The following KIAA1671 variants were observed in gnomAD, a reference collection of about 807,000 sequenced individuals.
The protein encoded by KIAA1671 is KIAA1671.
In KIAA1671, 52 loss-of-function variants were observed where a neutral mutation model predicts 131.2. The observed-to-expected ratio is 0.40, with a 90% CI of 0.32 to 0.50. The LOEUF (loss-of-function observed/expected upper bound fraction) is 0.50. Ranked by LOEUF, KIAA1671 falls within the 20% of genes least tolerant of loss-of-function variation. The pLI is 0.73. For synonymous variants in KIAA1671, 1,003 were observed against 961.6 expected, an observed-to-expected ratio of 1.04 and a Z score of -0.80; for missense variants, 2,360 against 2,364.2, an observed-to-expected ratio of 1.00 and a Z score of 0.04.
intron 6 of KIAA1671, among the ~76,000 whole-genome samples, chr22:25,154,955 C>T (rs930228944): frequency 1.2e-4 from 19 of 152,200 alleles, no homozygotes; most frequent in African/African-American, 3.4e-4. Context: ...TTTGCCTTCC[C>T]TGATATCCCC....
rs200324888 is a variant in KIAA1671, at chr22:25,029,513, G to A, written c.1514G>A (p.Arg505Gln). ...GTCAGGAGGAGGACGTTCCAGGCTC[G>A]GCCGCTGTCGGCGGATTTGACCAAA... ...PEVRRRTFQARPLSADLTKLF... is the reference protein window; with the variant it reads ...PEVRRRTFQAQPLSADLTKLF... Residue 505 changes from arginine to glutamine, a missense_variant, in exon 3 of 13, where the codon CGG becomes CAG. This residue lies in a region of KIAA1671 where 1,185 missense variants were observed against 1,126.2 expected (regional missense o/e 1.05). Transcript: ENST00000358431. 21 of 1,546,194 alleles carry A rather than the reference G, an allele frequency of 1.4e-5. No homozygotes were observed. The highest frequency in any genetic ancestry group is 1.6e-5 in the Non-Finnish European group (18 of 1,144,278).
At chr22:25,141,748 G>A (rs1249286973) in intron 6 of KIAA1671, among the ~76,000 whole-genome samples, 1 of 152,142 alleles carries the variant, frequency 6.6e-6, no homozygotes, top group Non-Finnish European at 1.5e-5. Context: ...TATTTAAAGA[G>A]GTGATGCATC....
chr22:25,039,548 T>G lies in KIAA1671; in HGVS notation c.2418T>G (p.Pro806=). The G allele has an allele frequency of 6.4e-7, 1 of 1,551,798 alleles. No homozygotes were observed. The highest frequency in any genetic ancestry group is 8.7e-7 in the Non-Finnish European group (1 of 1,147,010). ...TGATTTGGGAAGCTCGAGGCATGCC[T>G]GAGGCTAGTGGACCGAAGTTTGGGG... ...ASLIWEARGM[P]EASGPKFGGN... is the part of the protein sequence containing the mutation. The change falls in exon 5 of 13, where the codon CCT becomes CCG. Residue 806 remains proline (P), a synonymous_variant. Transcript: ENST00000358431.
At chr22:24,986,485 AG>A (rs1447154301) in intron 1 of KIAA1671, among the ~76,000 whole-genome samples, 3 of 152,090 alleles carry the variant, frequency 2.0e-5, no homozygotes, top group African/African-American at 7.2e-5. Flanking sequence ...GAATATGACA[AG>A]AAAAAAAAAC....
At chr22:25,074,961 C>A (rs182076766) in intron 6 of KIAA1671, among the ~76,000 whole-genome samples, 1 of 152,142 alleles carries the variant, frequency 6.6e-6, no homozygotes, top group African/African-American at 2.4e-5. Flanking sequence ...TACGTAACAA[C>A]TTATTTTAGA....
chr22:24,973,422 G>A (rs1410761272), intron 1 of KIAA1671, among the ~76,000 whole-genome samples: 3 of 107,716 alleles, frequency 2.8e-5, no homozygotes, highest in Non-Finnish European at 3.5e-5. Flanking sequence ...TTTTTGAGAC[G>A]GAGTCTCGCT....
chr22:25,093,832 CTGTCTG>C (rs374797577), intron 6 of KIAA1671, among the ~76,000 whole-genome samples: 1,497 of 69,148 alleles, frequency 0.022, 296 homozygotes, highest in African/African-American at 0.025. Flanking sequence ...CTTTCTCTCT[CTGTCTG>C]TCTCTCTCTC....
chr22:25,072,764 C>A (rs1928898931), intron 6 of KIAA1671, among the ~76,000 whole-genome samples: 2 of 152,176 alleles, frequency 1.3e-5, no homozygotes, highest in Admixed American at 6.5e-5. Context: ...CCTTTGAATT[C>A]TCTAGCTCAT....
At chr22:25,133,484 G>C (rs1393856007) in intron 6 of KIAA1671, among the ~76,000 whole-genome samples, 1 of 152,184 alleles carries the variant, frequency 6.6e-6, no homozygotes, top group Non-Finnish European at 1.5e-5. Flanking sequence ...TCCATCAAAA[G>C]ACTCTGTTCT....
intron 6 of KIAA1671, among the ~76,000 whole-genome samples, chr22:25,121,368 A>G (rs1366592523): frequency 1.3e-5 from 2 of 151,864 alleles, no homozygotes; most frequent in African/African-American, 4.8e-5. Flanking sequence ...AGGCTGAGGC[A>G]GGAGAAGGGC....
intron 6 of KIAA1671, among the ~76,000 whole-genome samples, chr22:25,151,895 C>T (rs568055137): frequency 5.3e-5 from 8 of 152,152 alleles, no homozygotes; most frequent in Admixed American, 4.6e-4. Context: ...TGAGCCACCA[C>T]GCCCGGCTAG....
intron 6 of KIAA1671, among the ~76,000 whole-genome samples, chr22:25,079,445 T>C (rs910640953): frequency 3.9e-5 from 6 of 152,020 alleles, no homozygotes; most frequent in African/African-American, 1.4e-4. Context: ...GAACGTTGTA[T>C]AGTATGTCAG....
intron 6 of KIAA1671, among the ~76,000 whole-genome samples, chr22:25,068,438 T>C (rs967345506): frequency 1.3e-5 from 2 of 151,830 alleles, no homozygotes; most frequent in Admixed American, 1.3e-4. Flanking sequence ...TTTTGTTTTT[T>C]TGTTGTTTTT....
At chr22:25,181,390 CA>C in intron 9 of KIAA1671, among the ~76,000 whole-genome samples, 1 of 139,910 alleles carries the variant, frequency 7.1e-6, no homozygotes, top group African/African-American at 2.6e-5. Flanking sequence ...CTGCCTCTGC[CA>C]AAGATTTCCT....
intron 1 of KIAA1671, among the ~76,000 whole-genome samples, chr22:24,960,207 T>A (rs1921942027): frequency 6.6e-6 from 1 of 151,718 alleles, no homozygotes; most frequent in Non-Finnish European, 1.5e-5. Context: ...TAAAAATAGA[T>A]TTAGGTACTT....
chr22:25,081,517 C>T (rs1029705086), intron 6 of KIAA1671, among the ~76,000 whole-genome samples: 9 of 152,134 alleles, frequency 5.9e-5, no homozygotes, highest in Admixed American at 6.5e-5. Context: ...GAATTGAACC[C>T]ACAGTGTAGA....
chr22:25,177,521 G>A lies in KIAA1671; in HGVS notation c.5073G>A (p.Thr1691=), dbSNP rs182681767. 7,940 of 1,549,460 alleles carry A rather than the reference G, an allele frequency of 5.1e-3. 54 individuals are homozygous for A. Among genetic ancestry groups the A allele is most frequent in the Non-Finnish European group, 4.7e-3 (5,368 of 1,145,150 alleles). ...ACACGTGGATGTTCAAAGACTCAAC[G>A]GGTATGCCATGACTTCTCTCCTCCT... ...TDNTWMFKDS[T]EEKSPRKEES... Residue 1691 remains threonine, a splice_region_variant and synonymous_variant, in exon 9 of 13, where the codon ACG becomes ACA. Transcript: ENST00000358431.
At chr22:25,084,471 A>G (rs1434049343) in intron 6 of KIAA1671, among the ~76,000 whole-genome samples, 1 of 151,928 alleles carries the variant, frequency 6.6e-6, no homozygotes, top group East Asian at 1.9e-4. Context: ...AAAAAAAAAA[A>G]AAAATTGACA....
chr22:25,131,896 C>T (rs534675714), intron 6 of KIAA1671, among the ~76,000 whole-genome samples: 1 of 152,300 alleles, frequency 6.6e-6, no homozygotes, highest in Non-Finnish European at 1.5e-5. Flanking sequence ...GGGGCATAAC[C>T]GCATAGAGTT....
Sources: allele counts gnomAD v4.1 joint callset (sites outside exome capture counted in the v4.1 genomes callset), GRCh38; gene constraint gnomAD v4.1.1; regional missense constraint gnomAD v4.1.1; transcripts MANE v1.5; gene names NCBI Gene and HGNC (gene_info 2026-07-23, HGNC 2026-07-21).